The following HYDIN variants were observed in gnomAD, a reference collection of about 807,000 sequenced individuals.
HYDIN encodes the protein axonemal central pair apparatus protein HYDIN.
A neutral mutation model predicts 403.9 loss-of-function variants in HYDIN; 132 were observed. The ratio of observed to expected loss-of-function variants is 0.33; its 90% CI spans 0.28 to 0.38. The LOEUF is 0.38. Ranked by LOEUF, HYDIN falls within the 10% of genes least tolerant of loss-of-function variation. HYDIN has a pLI of 1.00. For missense variants in HYDIN, 2,827 were observed against 5,009.5 expected (o/e 0.56, Z 13.15); for synonymous variants, 1,202 against 1,891.7 (o/e 0.64, Z 9.46).
intron 1 of HYDIN, among the ~76,000 whole-genome samples, chr16:71,189,669 A>T (rs1335732356): frequency 6.6e-6 from 1 of 150,586 alleles, no homozygotes; most frequent in Non-Finnish European, 1.5e-5. Flanking sequence ...CAGGAGGCTG[A>T]GGCAGGAGAA....
At chr16:70,946,981 A>G (rs899468128) in intron 41 of HYDIN, among the ~76,000 whole-genome samples, 69 of 151,752 alleles carry the variant, frequency 4.5e-4, no homozygotes, top group African/African-American at 1.4e-3. Flanking sequence ...CATGTCGTCT[A>G]CAAACAGGGA....
chr16:71,000,741 A>G (rs2079679738), intron 23 of HYDIN, among the ~76,000 whole-genome samples: 1 of 151,806 alleles, frequency 6.6e-6, no homozygotes, highest in East Asian at 2.0e-4. Context: ...CCCCCCGGTC[A>G]GATAAATTAG....
intron 44 of HYDIN, among the ~76,000 whole-genome samples, chr16:70,937,978 G>A (rs1325046628): frequency 9.2e-5 from 14 of 152,196 alleles, no homozygotes; most frequent in Admixed American, 9.2e-4. Flanking sequence ...GAGGCATGGG[G>A]GGATCGAGTA....
At chr16:70,902,811 ATATATATATATTTTT>A (rs1308167045) in intron 52 of HYDIN, among the ~76,000 whole-genome samples, 18 of 33,404 alleles carry the variant, frequency 5.4e-4, no homozygotes, top group Non-Finnish European at 9.0e-4. Context: ...ATATATATAT[ATATATATATATTTTT>A]TTTTTTTTTT....
At chr16:71,223,959 AAAG>A (rs2040918142) in intron 1 of HYDIN, among the ~76,000 whole-genome samples, 1 of 152,246 alleles carries the variant, frequency 6.6e-6, no homozygotes. Context: ...ACCCAAAGGA[AAAG>A]AAGTCATTAT....
chr16:70,836,787 C>G (rs911113454), intron 77 of HYDIN, among the ~76,000 whole-genome samples: 10 of 152,204 alleles, frequency 6.6e-5, no homozygotes, highest in Admixed American at 3.3e-4. Context: ...TCTTGGATGT[C>G]TGAGAACATG....
At position 70,833,489 on chromosome 16, in the gene HYDIN, G is replaced by A. The variant is rs369523706; in HGVS notation, c.13679+398C>T. Among the ~76,000 whole-genome samples the A allele has an allele frequency of 6.9e-5, 9 of 129,736 alleles. No homozygotes were observed. In the East Asian group the frequency reaches 1.5e-3, roughly 21 times the overall value. 85.1% of individuals were successfully genotyped at this position (129,736 alleles called of 152,430 possible). A position where few individuals can be genotyped will look rare whatever the true frequency, so the allele number is the denominator to read the frequency against. On this transcript the variant is annotated intron_variant, in intron 79 of 85. Transcript: ENST00000393567. ...CCTGGTTCAGATCCTGGGGGATGGC[G>A]ACAATCCCTTCCCGTGAGAGTTGCC...
intron 1 of HYDIN, among the ~76,000 whole-genome samples, chr16:71,225,984 C>G (rs1003425107): frequency 6.6e-6 from 1 of 152,168 alleles, no homozygotes; most frequent in African/African-American, 2.4e-5. Flanking sequence ...GATGCCAATT[C>G]TCCCCAAATT....
chr16:70,902,815 ATATATATTT>A (rs1176876776), intron 52 of HYDIN, among the ~76,000 whole-genome samples: 147 of 16,284 alleles, frequency 9.0e-3, no homozygotes, highest in Admixed American at 0.015. Context: ...ATATATATAT[ATATATATTT>A]TTTTTTTTTT....
In HYDIN at chr16:71,148,399, G is replaced by A. The variant is rs2085402622; in HGVS notation, c.841+4260C>T. The stretch of plus-strand genomic sequence containing the variant: ...GTCTAGCCTGTGGAAGAAAGAATAA[G>A]AAATGAAGAGCATAAGGATTGAACA... On this transcript the variant is annotated intron_variant, in intron 7 of 85. Coordinates refer to ENST00000393567, the MANE Select transcript of HYDIN (RefSeq NM_001270974.2). 2.0e-5 allele frequency among the ~76,000 whole-genome samples: 3 copies of A among 152,160 alleles called. No individual in the cohort carries two copies. In the South Asian group the frequency reaches 6.2e-4, roughly 31 times the overall value.
At chr16:71,011,006 G>C (rs911281876) in intron 23 of HYDIN, among the ~76,000 whole-genome samples, 3 of 152,168 alleles carry the variant, frequency 2.0e-5, no homozygotes, top group Admixed American at 6.5e-5. Flanking sequence ...TATAAGAAAA[G>C]GATTTTCTAT....
chr16:71,159,787 T>C (rs2085925115), intron 6 of HYDIN, among the ~76,000 whole-genome samples: 1 of 152,048 alleles, frequency 6.6e-6, no homozygotes, highest in South Asian at 2.1e-4. Flanking sequence ...AAAATATATA[T>C]ATAATTGTTG....
At chr16:70,943,009 C>T (rs932167298) in intron 42 of HYDIN, among the ~76,000 whole-genome samples, 3 of 152,040 alleles carry the variant, frequency 2.0e-5, no homozygotes, top group Non-Finnish European at 4.4e-5. Flanking sequence ...GATGATATTC[C>T]TCCTCTTCTG....
At chr16:70,960,327 A>T (rs1056180029) in intron 38 of HYDIN, among the ~76,000 whole-genome samples, 2 of 150,462 alleles carry the variant, frequency 1.3e-5, no homozygotes, top group African/African-American at 5.0e-5. Context: ...ATGTCCTTTG[A>T]TTACATATTG....
chr16:71,175,215 C>T (rs912174377), intron 5 of HYDIN, among the ~76,000 whole-genome samples: 1 of 150,976 alleles, frequency 6.6e-6, no homozygotes, highest in African/African-American at 2.4e-5. Context: ...ACAATATTAC[C>T]ACCAACTACA....
intron 25 of HYDIN, 39 bp from the exon 26 acceptor site, chr16:70,988,551 CA>C: frequency 3.5e-6 from 1 of 282,130 alleles, no homozygotes; most frequent in Non-Finnish European, 5.6e-6. Flanking sequence ...GGCAAGCATT[CA>C]AAATGGATCA....
rs374072018 is a variant in HYDIN at position 70,883,950 on chromosome 16, A to G, written c.9949T>C (p.Tyr3317His). ...DPAVHPAGIL[Y>H]TLLAEACLPA... Reference sequence around the variant, plus strand: ...AGACAGGCTTCAGCTAGCAAAGTGTAAAGAATGCCGGCAGGGTGGACTGCA... The same window carrying G: ...AGACAGGCTTCAGCTAGCAAAGTGTGAAGAATGCCGGCAGGGTGGACTGCA... Residue 3317 changes from tyrosine (Y) to histidine (H), a missense_variant, in exon 59 of 86, where the codon TAC becomes CAC. Coordinates refer to ENST00000393567, the MANE Select transcript of HYDIN (RefSeq NM_001270974.2). 1.9e-6 allele frequency: 3 copies of G among 1,613,836 alleles called. No homozygotes were observed. The African/African-American group carries it at 4.0e-5, about 22-fold the overall frequency.
intron 75 of HYDIN, among the ~76,000 whole-genome samples, 165 bp downstream of exon 75, chr16:70,849,560 AT>A (rs889218204): frequency 6.6e-6 from 1 of 152,088 alleles, no homozygotes; most frequent in Non-Finnish European, 1.5e-5. Context: ...GCACCTAACC[AT>A]TGTTGAAGCC....
intron 1 of HYDIN, chr16:71,203,883 G>A: frequency 4.4e-6 from 2 of 449,676 alleles, no homozygotes; most frequent in Non-Finnish European, 8.9e-6. Flanking sequence ...TGTGAAATAT[G>A]GTGAAACCCC....
Sources: gnomAD v4.1 joint callset for allele counts (sites outside exome capture counted in the v4.1 genomes callset) on GRCh38, gnomAD v4.1.1 for gene constraint, MANE v1.5 for transcripts, NCBI Gene and HGNC (gene_info 2026-07-23, HGNC 2026-07-21) for gene names.